The following HMGB1 variants were observed in gnomAD, a reference collection of about 807,000 sequenced individuals.
HMGB1 encodes high mobility group protein B1.
For missense variants in HMGB1, 79 were observed against 253.5 expected (o/e 0.31, Z 4.67); for synonymous variants, 81 against 84.0 (o/e 0.96, Z 0.19).
intron 1 of HMGB1, among the ~76,000 whole-genome samples, chr13:30,603,118 T>C (rs1411829851): frequency 6.6e-6 from 1 of 152,214 alleles, no homozygotes; most frequent in Admixed American, 6.5e-5. Flanking sequence ...TATTTTGTTT[T>C]AAATTTTCCT....
At chr13:30,496,138 A>G (rs913016309) in intron 1 of HMGB1, among the ~76,000 whole-genome samples, 1 of 152,230 alleles carries the variant, frequency 6.6e-6, no homozygotes, top group Non-Finnish European at 1.5e-5. Context: ...TTATGACACT[A>G]TTGGGCACCT....
At chr13:30,512,147 CTT>C (rs1888006025) in intron 1 of HMGB1, among the ~76,000 whole-genome samples, 2 of 146,060 alleles carry the variant, frequency 1.4e-5, no homozygotes, top group South Asian at 4.4e-4. Flanking sequence ...GAGCTTGTCT[CTT>C]AAAAAAAAAA....
At chr13:30,607,131 C>T (rs1163561459) in intron 1 of HMGB1, among the ~76,000 whole-genome samples, 1 of 152,182 alleles carries the variant, frequency 6.6e-6, no homozygotes, top group East Asian at 1.9e-4. Context: ...GCCATCTAGT[C>T]CACCTTATCC....
At chr13:30,615,841 T>A (rs1369278602) in intron 1 of HMGB1, among the ~76,000 whole-genome samples, 1 of 152,230 alleles carries the variant, frequency 6.6e-6, no homozygotes, top group Non-Finnish European at 1.5e-5. Flanking sequence ...AGCACTGAAC[T>A]ACTGCAGCTG....
At chr13:30,516,028 C>A (rs533330605) in intron 1 of HMGB1, among the ~76,000 whole-genome samples, 5 of 152,296 alleles carry the variant, frequency 3.3e-5, no homozygotes, top group African/African-American at 1.2e-4. Context: ...ACCTTCCCCC[C>A]TCACCCCCGG....
intron 1 of HMGB1, among the ~76,000 whole-genome samples, chr13:30,576,070 C>T (rs1870641567): frequency 6.6e-6 from 1 of 152,204 alleles, no homozygotes; most frequent in Non-Finnish European, 1.5e-5. Flanking sequence ...TCCTCTGAGA[C>T]AAAGTCTTTG....
intron 1 of HMGB1, chr13:30,553,933 G>A (rs1441641230): frequency 1.2e-5 from 18 of 1,449,368 alleles, no homozygotes; most frequent in Middle Eastern, 2.4e-4. Flanking sequence ...TTAACACCGG[G>A]TCCACTTCCT....
At chr13:30,580,284 C>T (rs1239873841) in intron 1 of HMGB1, among the ~76,000 whole-genome samples, 1 of 152,160 alleles carries the variant, frequency 6.6e-6, no homozygotes, top group Non-Finnish European at 1.5e-5. Flanking sequence ...AAATAGTTGC[C>T]TGTTTCTAGC....
chr13:30,601,511 C>T (rs1294589917), intron 1 of HMGB1, among the ~76,000 whole-genome samples: 2 of 38,320 alleles, frequency 5.2e-5, no homozygotes, highest in Admixed American at 4.3e-4. Context: ...TTTGGGAGGC[C>T]GAGGCGGGCG....
At position 30,554,019 on chromosome 13, in the gene HMGB1, G is replaced by A. The variant is rs772671776; in HGVS notation, c.-15+62652C>T. The A allele has an allele frequency of 1.7e-4, 258 of 1,480,044 alleles. 1 individual carries two copies. Among genetic ancestry groups the A allele is most frequent in the South Asian group, 5.2e-4 (46 of 88,248 alleles). 91.7% of individuals were successfully genotyped at this position (1,480,044 alleles called of 1,614,324 possible). ...AGTTGTTGTGCTGAACCGCATTGTG[G>A]AGAAAGAATCGGTTAAATGTGCGCA... On this transcript the variant is annotated intron_variant, in intron 1 of 4. Coordinates refer to the HMGB1 transcript ENST00000405805.
chr13:30,474,951 C>CTTTTTTTTTTTTTTT (rs1887041427), intron 1 of HMGB1, among the ~76,000 whole-genome samples: 1 of 28,092 alleles, frequency 3.6e-5, no homozygotes, highest in Non-Finnish European at 6.5e-5. Flanking sequence ...TTTTTCTTTT[C>CTTTTTTTTTTTTTTT]TTTTTTTGTT....
At chr13:30,522,389 C>CCACT (rs1463264620) in intron 1 of HMGB1, among the ~76,000 whole-genome samples, 1 of 152,128 alleles carries the variant, frequency 6.6e-6, no homozygotes, top group Admixed American at 6.5e-5. Flanking sequence ...TAGGTGTGAG[C>CCACT]CACTGTGCCT....
intron 1 of HMGB1, among the ~76,000 whole-genome samples, chr13:30,596,911 T>G (rs1037564821): frequency 6.6e-6 from 1 of 152,252 alleles, no homozygotes; most frequent in East Asian, 1.9e-4. Context: ...CTCATTACAC[T>G]GCAATTGCAT....
chr13:30,605,868 T>C (rs979649442), intron 1 of HMGB1, among the ~76,000 whole-genome samples: 1 of 152,228 alleles, frequency 6.6e-6, no homozygotes, highest in East Asian at 1.9e-4. Flanking sequence ...CTGTATGTAC[T>C]GTGTATTGTT....
intron 1 of HMGB1, among the ~76,000 whole-genome samples, chr13:30,604,700 C>T (rs112651843): frequency 2.6e-5 from 4 of 152,212 alleles, no homozygotes; most frequent in East Asian, 1.9e-4. Context: ...CTCTGTCGCC[C>T]GGGCTGGAGT....
chr13:30,593,773 C>G (rs887266295), intron 1 of HMGB1, among the ~76,000 whole-genome samples: 19 of 152,064 alleles, frequency 1.2e-4, no homozygotes, highest in Admixed American at 7.9e-4. Context: ...AAAAATCAGA[C>G]AGATCCAAAA....
At chr13:30,504,448 T>TC (rs550792884) in intron 1 of HMGB1, among the ~76,000 whole-genome samples, 1 of 152,154 alleles carries the variant, frequency 6.6e-6, no homozygotes. Context: ...TTGCTTTTTT[T>TC]CCCCCCAACA....
At position 30,457,395 on chromosome 13, in the gene HMGB1, T is replaced by G. The variant is rs1023294143; in HGVS notation, c.*3962A>C. The G allele has an allele frequency of 3.9e-5, 6 of 152,198 alleles. No individual in the cohort carries two copies. The highest frequency in any genetic ancestry group is 8.8e-5 in the Non-Finnish European group (6 of 68,028). 9.4% of individuals were successfully genotyped at this position (152,198 alleles called of 1,614,324 possible). ...ATACTATTGCAGATTTTATTCCTAC[T>G]TCCTTCTTTTCAGTGGATGCCCAAT... On this transcript the variant is annotated 3_prime_UTR_variant, in exon 5 of 5. Coordinates refer to ENST00000341423, the MANE Select transcript of HMGB1 (RefSeq NM_002128.7).
intron 2 of HMGB1, 89 bp from the exon 3 acceptor site, chr13:30,463,441 A>G: frequency 6.6e-7 from 1 of 1,526,236 alleles, no homozygotes. Context: ...ATAGCGTCCC[A>G]CTACGAGAAT....
Sources: allele counts gnomAD v4.1 joint callset (sites outside exome capture counted in the v4.1 genomes callset), GRCh38; gene constraint gnomAD v4.1.1; transcripts MANE v1.5; gene names NCBI Gene and HGNC (gene_info 2026-07-23, HGNC 2026-07-21).